MYO7A: variants seen among roughly 807,000 people sequenced by gnomAD.
The protein encoded by MYO7A is myosin VIIA, also known as unconventional myosin-VIIa.
Under a neutral mutation model 263.8 loss-of-function variants are expected in MYO7A, and 210 were observed. That is an observed-to-expected ratio of 0.80 (90% confidence interval 0.71 to 0.89). MYO7A has a LOEUF of 0.89. Among genes scored for constraint, MYO7A ranks in the 40% least tolerant of loss-of-function variants. MYO7A has a pLI of 0.00. For synonymous variants in MYO7A, 1,239 were observed against 1,197.3 expected (o/e 1.03, Z -0.72); for missense variants, 2,820 against 2,968.3 (o/e 0.95, Z 1.16).
intron 8 of MYO7A, 32 bp from the exon 9 acceptor site, chr11:77,158,245 C>T: frequency 6.4e-7 from 1 of 1,557,550 alleles, no homozygotes; most frequent in Non-Finnish European, 8.7e-7. Flanking sequence ...CTGACGTCCT[C>T]TTGCACCCCA....
intron 8 of MYO7A, 139 bp from the exon 9 acceptor site, chr11:77,158,138 G>A (rs1343288923): frequency 3.1e-5 from 24 of 780,348 alleles, no homozygotes; most frequent in Admixed American, 1.0e-4. Flanking sequence ...GGTGCTCACC[G>A]GGTGAGGTCA....
Position 77,179,565 on chromosome 11 carries a change from G to A in MYO7A, c.2368-170G>A, listed in dbSNP as rs541172102. 1.1e-3 allele frequency among the ~76,000 whole-genome samples: 162 copies of A among 152,344 alleles called. 3 individuals carry two copies. In the South Asian group the frequency reaches 0.033, roughly 31 times the overall value. ...TCACCTAAAAATATGTTGCCTGAGAGGAAACAGAACTTTCTAACGATGGGG... is the reference window on the plus strand; with the variant it reads ...TCACCTAAAAATATGTTGCCTGAGAAGAAACAGAACTTTCTAACGATGGGG... On this transcript the variant is annotated intron_variant, in intron 20 of 48. Coordinates refer to ENST00000409709, the MANE Select transcript of MYO7A (RefSeq NM_000260.4).
chr11:77,154,770 A>G (rs74321438), intron 4 of MYO7A, among the ~76,000 whole-genome samples: 1,800 of 152,224 alleles, frequency 0.012, 32 homozygotes, highest in African/African-American at 0.041. Context: ...CCAGGGGCCC[A>G]GAGAAGGGCA....
intron 15 of MYO7A, among the ~76,000 whole-genome samples, chr11:77,169,178 G>A (rs146157195): frequency 1.3e-3 from 199 of 152,304 alleles, no homozygotes; most frequent in African/African-American, 4.5e-3. Context: ...GGAAGCCCAC[G>A]CCACCTCTTG....
At chr11:77,166,389 G>T (rs1555072617) in intron 15 of MYO7A, among the ~76,000 whole-genome samples, 1 of 152,156 alleles carries the variant, frequency 6.6e-6, no homozygotes, top group East Asian at 1.9e-4. Context: ...CCCAGAGAAG[G>T]GTCACCTGAG....
chr11:77,147,968 CG>C lies in MYO7A; in HGVS notation c.285+20del, dbSNP rs1951697192. ...TCATCTACGTGAGTGCCGCCCCGCC[CG>C]GTGCCCGTCCAGGCCCCCTCAGGCC... is the stretch of plus-strand genomic sequence containing the variant. On this transcript the variant is annotated intron_variant, in intron 4 of 48. Transcript: ENST00000409709. 4 of 1,528,238 alleles carry C rather than the reference CG, an allele frequency of 2.6e-6. No individual in the cohort carries two copies. Among genetic ancestry groups the C allele is most frequent in the Non-Finnish European group, 2.6e-6 (3 of 1,135,820 alleles). 94.7% of individuals were successfully genotyped at this position (1,528,238 alleles called of 1,614,324 possible).
intron 3 of MYO7A, among the ~76,000 whole-genome samples, chr11:77,147,445 G>C (rs782371322): frequency 2.5e-4 from 38 of 151,720 alleles, no homozygotes; most frequent in Non-Finnish European, 4.4e-4. Flanking sequence ...CTGAATTTGA[G>C]ACCAAGCTTG....
At position 77,138,056 on chromosome 11, in the gene MYO7A, G is replaced by A. The variant is rs1950976407; in HGVS notation, c.19-4653G>A. ...CGGTGCCAGGTGCCACGTTTATCCC[G>A]GGCCTACCGCCGCGGTGCCAGTGAA... On this transcript the variant is annotated intron_variant, in intron 2 of 48. Transcript: ENST00000409709. The surrounding 1 kb of genome is among the most constrained non-coding windows in gnomAD (Gnocchi z 4.9). 6.6e-6 allele frequency among the ~76,000 whole-genome samples: 1 copy of A among 152,148 alleles called. No individual in the cohort carries two copies.
intron 26 of MYO7A, among the ~76,000 whole-genome samples, chr11:77,183,859 C>A (rs1367958211): frequency 6.6e-6 from 1 of 152,326 alleles, no homozygotes; most frequent in East Asian, 1.9e-4. Flanking sequence ...ACCTGAGGCA[C>A]AAATCCAGCC....
chr11:77,213,013 G>A lies in MYO7A; in HGVS notation c.6416G>A (p.Ser2139Asn). 4 of 1,585,884 alleles carry A rather than the reference G, an allele frequency of 2.5e-6. No homozygotes were observed. Among genetic ancestry groups the A allele is most frequent in the Non-Finnish European group, 3.4e-6 (4 of 1,165,290 alleles). Residue 2139 changes from serine to asparagine, a missense_variant, in exon 47 of 49, where the codon AGC becomes AAC. By Grantham distance (46) the Ser-to-Asn change is conservative. Transcript: ENST00000409709. ...ATTGCCATCAACAAGTATGGGGTCAGCCTCATCGATCCCAAAACGAAGGTG... is the reference window on the plus strand; with the variant it reads ...ATTGCCATCAACAAGTATGGGGTCAACCTCATCGATCCCAAAACGAAGGTG... ...LLIAINKYGV[S>N]LIDPKTKDIL...
rs781842572 is a variant in MYO7A at position 77,175,377 on chromosome 11, C to T, written c.2100C>T (p.Asp700=). 8 of 1,613,182 alleles carry T rather than the reference C, an allele frequency of 5.0e-6. No homozygotes were observed. The South Asian group carries it at 8.8e-5, about 18-fold the overall frequency. ...PGVKPAYKQG[D]LRGTCQRMAE... is the part of the protein sequence containing the mutation. ...GTTCCCCATCCTCACTCCAGGGCGACCTCCGCGGGACTTGCCAGCGCATGG... is the reference window on the plus strand; with the variant it reads ...GTTCCCCATCCTCACTCCAGGGCGATCTCCGCGGGACTTGCCAGCGCATGG... The change falls in exon 18 of 49, where the codon GAC becomes GAT. Residue 700 remains aspartate (D), a synonymous_variant. Transcript: ENST00000409709.
Position 77,184,693 on chromosome 11 carries a change from G to A in MYO7A, c.3481G>A (p.Gly1161Ser). 6.3e-7 allele frequency: 1 copy of A among 1,599,942 alleles called. No homozygotes were observed. Residue 1161 changes from glycine (G) to serine (S), a missense_variant, in exon 27 of 49, where the codon GGC becomes AGC. Gly to Ser is a moderately conservative substitution (Grantham distance 56). Coordinates refer to ENST00000409709, the MANE Select transcript of MYO7A (RefSeq NM_000260.4). ...LEKLHFIIGN[G>S]ILRPALRDEI... ...GAAGCTGCACTTCATCATCGGCAAT[G>A]GCATCCTGCGGCCAGCACTCCGGTC... is the stretch of plus-strand genomic sequence containing the variant.
rs782246569 is a variant in MYO7A at position 77,161,061 on chromosome 11, G to T, written c.1289G>T (p.Arg430Leu). 4.3e-6 allele frequency: 7 copies of T among 1,613,840 alleles called. No individual in the cohort carries two copies. Among genetic ancestry groups the T allele is most frequent in the Non-Finnish European group, 5.1e-6 (6 of 1,179,888 alleles). ...KPPSQDVKNSRRSIGLLDIFG... is the reference protein window; with the variant it reads ...KPPSQDVKNSLRSIGLLDIFG... Reference sequence around the variant, plus strand: ...CCCTCCCAGGATGTGAAGAACTCTCGCAGGTCCATCGGCCTCCTGGACATC... The same window carrying T: ...CCCTCCCAGGATGTGAAGAACTCTCTCAGGTCCATCGGCCTCCTGGACATC... Residue 430 changes from arginine (R) to leucine (L), a missense_variant, in exon 12 of 49, where the codon CGC (arginine) becomes CTC (leucine). Coordinates refer to ENST00000409709, the MANE Select transcript of MYO7A (RefSeq NM_000260.4).
intron 44 of MYO7A, chr11:77,209,094 C>T (rs1957687099): frequency 2.6e-6 from 1 of 379,266 alleles, no homozygotes; most frequent in Non-Finnish European, 4.8e-6. Flanking sequence ...CGAGATTCTG[C>T]TGTTGTAACT....
chr11:77,196,169 C>T (rs994425509), intron 32 of MYO7A, among the ~76,000 whole-genome samples: 3 of 152,218 alleles, frequency 2.0e-5, no homozygotes, highest in South Asian at 2.1e-4. Context: ...GAGTTTGAGA[C>T]GAGCCTGGCC....
intron 4 of MYO7A, among the ~76,000 whole-genome samples, chr11:77,153,507 GC>G (rs1952167421): frequency 6.6e-6 from 1 of 152,136 alleles, no homozygotes; most frequent in Admixed American, 6.5e-5. Flanking sequence ...CCTGGCCCCA[GC>G]CCTGGGCCAG....
chr11:77,210,986 G>A (rs913842894), intron 44 of MYO7A, 166 bp from the exon 45 acceptor site: 3 of 647,254 alleles, frequency 4.6e-6, no homozygotes, highest in Non-Finnish European at 7.9e-6. Context: ...TCCCTGTCCT[G>A]TGCCGTATCC....
At position 77,179,076 on chromosome 11, in the gene MYO7A, A is replaced by G; in HGVS notation, c.2314A>G (p.Thr772Ala). ...CTTTCTGAAGCTGAAGAACGCTGCC[A>G]CACTGATCCAGAGGCACTGGCGGGG... is the stretch of plus-strand genomic sequence containing the variant. ...SNFLKLKNAATLIQRHWRGHN... is the reference protein window; with the variant it reads ...SNFLKLKNAAALIQRHWRGHN... Residue 772 changes from threonine to alanine, a missense_variant, in exon 20 of 49, where the codon ACA becomes GCA. Physicochemically the swap from Thr to Ala is moderately conservative, Grantham distance 58. Coordinates refer to ENST00000409709, the MANE Select transcript of MYO7A (RefSeq NM_000260.4). 2 of 1,609,398 alleles carry G rather than the reference A, an allele frequency of 1.2e-6. No individual in the cohort carries two copies. The highest frequency in any genetic ancestry group is 1.3e-5 in the African/African-American group (1 of 75,022).
At chr11:77,155,258 A>G (rs1415869411) in intron 4 of MYO7A, among the ~76,000 whole-genome samples, 1 of 152,092 alleles carries the variant, frequency 6.6e-6, no homozygotes, top group Non-Finnish European at 1.5e-5. Flanking sequence ...CCAAGTAGAG[A>G]ACCTCCTTAA....
Sources: allele counts gnomAD v4.1 joint callset (sites outside exome capture counted in the v4.1 genomes callset), GRCh38; gene constraint gnomAD v4.1.1; non-coding constraint Gnocchi (gnomAD v3.1); transcripts MANE v1.5; gene names NCBI Gene and HGNC (gene_info 2026-07-23, HGNC 2026-07-21).